KCNQ1: variants seen among roughly 807,000 people sequenced by gnomAD.
KCNQ1 encodes potassium voltage-gated channel subfamily Q member 1.
KCNQ1 carries 49 observed loss-of-function variants against 72.4 expected under a neutral mutation model. The ratio of observed to expected loss-of-function variants is 0.68; its 90% CI spans 0.54 to 0.86. KCNQ1 has a LOEUF of 0.86. KCNQ1 is among the 40% of genes least tolerant of loss of function. The probability of loss-of-function intolerance (pLI) is 0.00; values close to 1 mark genes in which losing one functional copy is unlikely to be tolerated. For synonymous variants in KCNQ1, 450 were observed against 412.6 expected, an observed-to-expected ratio of 1.09 and a Z score of -1.10; for missense variants, 790 against 945.1, an observed-to-expected ratio of 0.84 and a Z score of 2.15.
chr11:2,525,953 C>T (rs1014823548), intron 1 of KCNQ1, among the ~76,000 whole-genome samples: 1 of 152,226 alleles, frequency 6.6e-6, no homozygotes, highest in African/African-American at 2.4e-5. Context: ...CTGGTCCCAG[C>T]GATGATGCTT....
intron 10 of KCNQ1, chr11:2,629,893 T>C (rs1376777394): frequency 5.0e-6 from 2 of 398,116 alleles, no homozygotes; most frequent in Non-Finnish European, 8.9e-6. Flanking sequence ...CTTCCTTCTT[T>C]CTGATTTGAG....
At position 2,547,406 on chromosome 11, in the gene KCNQ1, G is replaced by T. The variant is rs1847914416; in HGVS notation, c.477+19388G>T. On this transcript the variant is annotated intron_variant, in intron 2 of 15. Transcript: ENST00000155840. The surrounding 1 kb of genome is among the most constrained non-coding windows in gnomAD (Gnocchi z 4.2). Reference sequence around the variant, plus strand: ...CCACCACACCTGGCTAATTTTTTTTGTATTATTAGTAGAGACGGCGTTTCA... The same window carrying T: ...CCACCACACCTGGCTAATTTTTTTTTTATTATTAGTAGAGACGGCGTTTCA... Among the ~76,000 whole-genome samples the T allele has an allele frequency of 6.6e-6, 1 of 151,796 alleles. No individual in the cohort carries two copies. Among genetic ancestry groups the T allele is most frequent in the Non-Finnish European group, 1.5e-5 (1 of 67,952 alleles).
chr11:2,801,070 G>A (rs765537267), intron 15 of KCNQ1, among the ~76,000 whole-genome samples: 4 of 152,178 alleles, frequency 2.6e-5, no homozygotes, highest in Non-Finnish European at 5.9e-5. Context: ...CTGGGGCAGG[G>A]CCAGGCAGTG....
intron 15 of KCNQ1, among the ~76,000 whole-genome samples, chr11:2,795,834 C>A (rs1847117335): frequency 6.6e-6 from 1 of 152,226 alleles, no homozygotes; most frequent in African/African-American, 2.4e-5. Flanking sequence ...CAGCTCTCAT[C>A]CCCTGAGTGC....
chr11:2,470,229 G>A (rs938622187), intron 1 of KCNQ1, among the ~76,000 whole-genome samples: 1 of 152,202 alleles, frequency 6.6e-6, no homozygotes, highest in African/African-American at 2.4e-5. Context: ...TTGAGCCAAC[G>A]TGAGGGCACG....
At position 2,547,801 on chromosome 11, in the gene KCNQ1, G is replaced by T. The variant is rs538421173; in HGVS notation, c.477+19783G>T. Among the ~76,000 whole-genome samples the T allele has an allele frequency of 6.6e-6, 1 of 152,342 alleles. No individual in the cohort carries two copies. Among genetic ancestry groups the T allele is most frequent in the East Asian group, 1.9e-4 (1 of 5,186 alleles). On this transcript the variant is annotated intron_variant, in intron 2 of 15. Coordinates refer to ENST00000155840, the MANE Select transcript of KCNQ1 (RefSeq NM_000218.3). This position sits in a 1 kb window ranked among gnomAD's most constrained non-coding sequence, Gnocchi z 4.2. Reference sequence around the variant, plus strand: ...AAGGGGAGGGGCGGCAGTTCTCAGTGGAGCGGCCGGGCTGCGAGTCTCTGT... The same window carrying T: ...AAGGGGAGGGGCGGCAGTTCTCAGTTGAGCGGCCGGGCTGCGAGTCTCTGT...
At chr11:2,718,413 C>A (rs1172622685) in intron 11 of KCNQ1, among the ~76,000 whole-genome samples, 2 of 152,236 alleles carry the variant, frequency 1.3e-5, no homozygotes, top group Non-Finnish European at 2.9e-5. Context: ...TTGATCCCCG[C>A]AGCACCAGCC....
intron 11 of KCNQ1, among the ~76,000 whole-genome samples, chr11:2,730,050 C>T (rs1448591376): frequency 1.3e-5 from 2 of 152,160 alleles, no homozygotes; most frequent in African/African-American, 4.8e-5. Flanking sequence ...ACCCCGAGAG[C>T]TAGGACACGT....
chr11:2,575,002 C>T (rs1171555286), intron 6 of KCNQ1, among the ~76,000 whole-genome samples: 2 of 152,186 alleles, frequency 1.3e-5, no homozygotes, highest in East Asian at 3.8e-4. Context: ...GGAGAGTTCC[C>T]GGGAGGCTGG....
At position 2,525,674 on chromosome 11, in the gene KCNQ1, C is replaced by T. The variant is rs143498318; in HGVS notation, c.387-2254C>T. Among the ~76,000 whole-genome samples the T allele has an allele frequency of 5.9e-3, 897 of 152,358 alleles. 1 individual carries two copies. The highest frequency in any genetic ancestry group is 9.8e-3 in the Non-Finnish European group (668 of 68,034). On this transcript the variant is annotated intron_variant, in intron 1 of 15. Transcript: ENST00000155840. ...TGAGGCCCAAGGAGGGGTAGGGCTG[C>T]ATGCCAGCCTTCCAGGTGCTCCTGG... is the stretch of plus-strand genomic sequence containing the variant.
rs1845944401 is a variant in KCNQ1 at position 2,735,649 on chromosome 11, C to T, written c.1515-33195C>T. On this transcript the variant is annotated intron_variant, in intron 11 of 15. Transcript: ENST00000155840. This position sits in a 1 kb window ranked among gnomAD's most constrained non-coding sequence, Gnocchi z 7.7. ...CACTCCGCTGTCACCACCAAGACCA[C>T]AGTGGGGCAGTTTAAACAGCAGGCA... Among the ~76,000 whole-genome samples, 1 of 152,068 alleles carries T rather than the reference C, an allele frequency of 6.6e-6. No individual in the cohort carries two copies. The highest frequency in any genetic ancestry group is 1.5e-5 in the Non-Finnish European group (1 of 68,004).
chr11:2,781,928 A>G lies in KCNQ1; in HGVS notation c.1794+3891A>G, dbSNP rs952420488. Among the ~76,000 whole-genome samples, 6 of 152,064 alleles carry G rather than the reference A, an allele frequency of 3.9e-5. No individual in the cohort carries two copies. The highest frequency in any genetic ancestry group is 1.4e-4 in the African/African-American group (6 of 41,394). ...TCGCAGAATCCAGGCCTCCAGGATG[A>G]GAATGCCCCCCAACCCAGGACTCCC... On this transcript the variant is annotated intron_variant, in intron 15 of 15. Coordinates refer to ENST00000155840, the MANE Select transcript of KCNQ1 (RefSeq NM_000218.3). This position sits in a 1 kb window ranked among gnomAD's most constrained non-coding sequence, Gnocchi z 6.6.
chr11:2,450,097 G>C lies in KCNQ1; in HGVS notation c.386+4613G>C, dbSNP rs1846101839. Among the ~76,000 whole-genome samples, 1 of 152,210 alleles carries C rather than the reference G, an allele frequency of 6.6e-6. No homozygotes were observed. The highest frequency in any genetic ancestry group is 1.5e-5 in the Non-Finnish European group (1 of 68,024). Reference sequence around the variant, plus strand: ...CCCTGCATTCCACCCGCCTTGTCTGGGAGGTGGACGAGCCCTCCGTAGCCC... The same window carrying C: ...CCCTGCATTCCACCCGCCTTGTCTGCGAGGTGGACGAGCCCTCCGTAGCCC... On this transcript the variant is annotated intron_variant, in intron 1 of 15. Transcript: ENST00000155840. This position sits in a 1 kb window ranked among gnomAD's most constrained non-coding sequence, Gnocchi z 7.9.
chr11:2,727,886 T>A (rs1445795114), intron 11 of KCNQ1, among the ~76,000 whole-genome samples: 1 of 152,148 alleles, frequency 6.6e-6, no homozygotes, highest in African/African-American at 2.4e-5. Context: ...ACTGTGGGGC[T>A]TTGCTGTGGA....
At chr11:2,832,425 G>A (rs1387754001) in intron 15 of KCNQ1, among the ~76,000 whole-genome samples, 1 of 152,168 alleles carries the variant, frequency 6.6e-6, no homozygotes, top group Non-Finnish European at 1.5e-5. Flanking sequence ...GACCGCACAG[G>A]GTCATGGGGA....
chr11:2,631,229 C>T (rs1181145539), intron 10 of KCNQ1: 1 of 398,506 alleles, frequency 2.5e-6, no homozygotes, highest in Admixed American at 4.4e-5. Context: ...AACATTAACT[C>T]TCCTGATGGT....
intron 11 of KCNQ1, among the ~76,000 whole-genome samples, chr11:2,716,179 T>C (rs914209556): frequency 6.6e-6 from 1 of 152,168 alleles, no homozygotes; most frequent in African/African-American, 2.4e-5. Context: ...TTTTCACTTT[T>C]GGAGGGGTCG....
rs1849171798 is a variant in KCNQ1, at chr11:2,621,486, A to T, written c.1393+32632A>T. The T allele has an allele frequency of 5.0e-6, 2 of 398,276 alleles. No individual in the cohort carries two copies. The highest frequency in any genetic ancestry group is 4.4e-6 in the Non-Finnish European group (1 of 226,020). 24.7% of individuals were successfully genotyped at this position (398,276 alleles called of 1,614,324 possible). On this transcript the variant is annotated intron_variant, in intron 10 of 15. Coordinates refer to ENST00000155840, the MANE Select transcript of KCNQ1 (RefSeq NM_000218.3). The surrounding 1 kb of genome is among the most constrained non-coding windows in gnomAD (Gnocchi z 5.7). ...ATAGTTTGCAAATATTTTTTCTCCC[A>T]TTCTATATGTTGTCTGTTTACTCTG...
rs1363157542 is a variant in KCNQ1, at chr11:2,659,415, A to C, written c.1394-2546A>C. ...AGCAAAATGCATTTGAGATTCATCC[A>C]TGTTGTTGCATAAATCATTAGTTAA... is the stretch of plus-strand genomic sequence containing the variant. On this transcript the variant is annotated intron_variant, in intron 10 of 15. Coordinates refer to ENST00000155840, the MANE Select transcript of KCNQ1 (RefSeq NM_000218.3). The surrounding 1 kb of genome is among the most constrained non-coding windows in gnomAD (Gnocchi z 4.3). 2.5e-6 allele frequency: 1 copy of C among 398,490 alleles called. No individual in the cohort carries two copies. The highest frequency in any genetic ancestry group is 2.1e-5 in the African/African-American group (1 of 48,638). 24.7% of individuals were successfully genotyped at this position (398,490 alleles called of 1,614,324 possible).
Sources: allele counts gnomAD v4.1 joint callset (sites outside exome capture counted in the v4.1 genomes callset), GRCh38; gene constraint gnomAD v4.1.1; non-coding constraint Gnocchi (gnomAD v3.1); transcripts MANE v1.5; gene names NCBI Gene and HGNC (gene_info 2026-07-23, HGNC 2026-07-21).